The following CUEDC2 variants were observed in gnomAD, a reference collection of about 807,000 sequenced individuals.
CUEDC2 encodes CUE domain-containing protein 2.
Under a neutral mutation model 36.0 loss-of-function variants are expected in CUEDC2, and 10 were observed. That is an observed-to-expected ratio of 0.28 (90% CI 0.17 to 0.47). The LOEUF is 0.47. Ranked by LOEUF, CUEDC2 falls within the 20% of genes least tolerant of loss-of-function variation. The pLI, the probability that CUEDC2 is intolerant of heterozygous loss-of-function variation, is 0.99. For missense variants in CUEDC2, 269 were observed against 368.1 expected, an observed-to-expected ratio of 0.73 and a Z score of 2.20; for synonymous variants, 133 against 141.8, an observed-to-expected ratio of 0.94 and a Z score of 0.44.
Position 102,424,898 on chromosome 10 carries a change from G to C in CUEDC2, c.75-106C>G. The C allele has an allele frequency of 7.9e-7, 1 of 1,261,132 alleles. No homozygotes were observed. The highest frequency in any genetic ancestry group is 1.1e-6 in the Non-Finnish European group (1 of 904,190). The allele number at this position is 1,261,132 out of a possible 1,614,324, so 78.1% of individuals were successfully genotyped here. ...TCAGCTTCATGGGGTCTATGAGCTA[G>C]ACCTTTATCTTTAAGGCCAGAGAGT... On this transcript the variant is annotated intron_variant, in intron 2 of 8. Coordinates refer to ENST00000369937, the MANE Select transcript of CUEDC2 (RefSeq NM_024040.3). This position sits in a 1 kb window ranked among gnomAD's most constrained non-coding sequence, Gnocchi z 4.2.
chr10:102,423,671 T>C lies in CUEDC2; in HGVS notation c.703A>G (p.Met235Val), dbSNP rs759545898. The change falls in exon 8 of 9, where the codon ATG becomes GTG. Residue 235 changes from methionine (M) to valine (V), a missense_variant. By Grantham distance (21) the Met-to-Val change is conservative. Coordinates refer to ENST00000369937, the MANE Select transcript of CUEDC2 (RefSeq NM_024040.3). This position sits in a 1 kb window ranked among gnomAD's most constrained non-coding sequence, Gnocchi z 5.6. ...AACTCTCTCACCTCCTTGGGAGCCA[T>C]GGGCCGGTGAATCTTCTGATCCTCT... ...SAEDQKIHRP[M>V]APKEAPKKLI... 3.7e-6 allele frequency: 6 copies of C among 1,614,176 alleles called. No homozygotes were observed. The Admixed American group carries it at 8.3e-5, about 22-fold the overall frequency.
chr10:102,423,753 C>G lies in CUEDC2; in HGVS notation c.657-36G>C. ...CTGGCTGGGTGAAGCTCCTGTCACCCTGGGAAGACCCTCTAGGGCCCAGCC... is the reference window on the plus strand; with the variant it reads ...CTGGCTGGGTGAAGCTCCTGTCACCGTGGGAAGACCCTCTAGGGCCCAGCC... On this transcript the variant is annotated intron_variant, in intron 7 of 8. Coordinates refer to ENST00000369937, the MANE Select transcript of CUEDC2 (RefSeq NM_024040.3). The surrounding 1 kb of genome is among the most constrained non-coding windows in gnomAD (Gnocchi z 5.6). 6.2e-7 allele frequency: 1 copy of G among 1,614,056 alleles called. No individual in the cohort carries two copies. The highest frequency in any genetic ancestry group is 1.1e-5 in the South Asian group (1 of 91,086).
Position 102,423,986 on chromosome 10 carries a change from GAA to G in CUEDC2, c.594+8_594+9del, listed in dbSNP as rs773283728. 6.2e-7 allele frequency: 1 copy of G among 1,613,148 alleles called. No individual in the cohort carries two copies. The highest frequency in any genetic ancestry group is 1.3e-5 in the African/African-American group (1 of 75,042). On this transcript the variant is annotated splice_region_variant and intron_variant, in intron 6 of 8. Transcript: ENST00000369937. The surrounding 1 kb of genome is among the most constrained non-coding windows in gnomAD (Gnocchi z 5.6). The stretch of plus-strand genomic sequence containing the variant: ...GAGGCTACATGGTAGAGGGTGCTGG[GAA>G]AAGATACCTGGTTGGGGCCCTCCCA...
rs1204903350 is a variant in CUEDC2, at chr10:102,424,331, T to C, written c.344A>G (p.Gln115Arg). The part of the protein sequence containing the change: ...GQVPISPEPL[Q>R]RPEMLKEETR... ...CTCTTCTTTGAGCATTTCGGGCCGC[T>C]GCAGGGGCTCTGGGGAGATGGGCAC... Residue 115 changes from glutamine (Q) to arginine (R), a missense_variant, in exon 5 of 9, where the codon CAG becomes CGG. Coordinates refer to ENST00000369937, the MANE Select transcript of CUEDC2 (RefSeq NM_024040.3). This position sits in a 1 kb window ranked among gnomAD's most constrained non-coding sequence, Gnocchi z 4.2. 1 of 1,614,048 alleles carries C rather than the reference T, an allele frequency of 6.2e-7. No individual in the cohort carries two copies. The highest frequency in any genetic ancestry group is 1.3e-5 in the African/African-American group (1 of 74,918).
intron 1 of CUEDC2, among the ~76,000 whole-genome samples, chr10:102,430,047 A>G (rs7074566): frequency 0.99 from 148,527 of 150,748 alleles, 73,198 homozygotes; most frequent in East Asian, 1. Context: ...TGATCTGCCC[A>G]CCTTGGCCTC....
At chr10:102,429,850 G>A (rs1483894560) in intron 1 of CUEDC2, among the ~76,000 whole-genome samples, 2 of 145,716 alleles carry the variant, frequency 1.4e-5, no homozygotes, top group African/African-American at 2.6e-5. Context: ...ACGGAGTTTC[G>A]CTCTTGTTGC....
chr10:102,429,033 A>AG, intron 1 of CUEDC2, among the ~76,000 whole-genome samples: 1 of 152,026 alleles, frequency 6.6e-6, no homozygotes, highest in Middle Eastern at 3.4e-3. Flanking sequence ...AAAAAAAAAA[A>AG]AAAAGAAAAG....
At chr10:102,432,103 A>T (rs1251359230) in intron 1 of CUEDC2, among the ~76,000 whole-genome samples, 1 of 152,160 alleles carries the variant, frequency 6.6e-6, no homozygotes, top group South Asian at 2.1e-4. Flanking sequence ...CCCAGAGGAT[A>T]TCATTGTCCT....
At chr10:102,428,359 G>A (rs2061605378) in intron 1 of CUEDC2, among the ~76,000 whole-genome samples, 1 of 152,174 alleles carries the variant, frequency 6.6e-6, no homozygotes, top group Admixed American at 6.5e-5. Context: ...GGACCTATGG[G>A]TCTGGAGCCA....
chr10:102,428,663 C>T (rs925703517), intron 1 of CUEDC2, among the ~76,000 whole-genome samples: 1 of 152,018 alleles, frequency 6.6e-6, no homozygotes, highest in South Asian at 2.1e-4. Context: ...GCAAGAGGAT[C>T]GTTTGAGCTC....
chr10:102,430,945 G>A (rs1416457496), intron 1 of CUEDC2, among the ~76,000 whole-genome samples: 1 of 152,136 alleles, frequency 6.6e-6, no homozygotes, highest in Non-Finnish European at 1.5e-5. Context: ...ATTGGTTGAT[G>A]GTGTCTACCA....
At chr10:102,429,429 A>G (rs971471340) in intron 1 of CUEDC2, among the ~76,000 whole-genome samples, 4 of 151,696 alleles carry the variant, frequency 2.6e-5, no homozygotes, top group African/African-American at 9.7e-5. Context: ...TTCAGCATCT[A>G]TTCTAGGGGC....
At chr10:102,430,134 T>TTC (rs1173383344) in intron 1 of CUEDC2, among the ~76,000 whole-genome samples, 1 of 125,628 alleles carries the variant, frequency 8.0e-6, no homozygotes, top group Non-Finnish European at 1.7e-5. Flanking sequence ...AGGTTTTCTT[T>TTC]TTTTTTTTTT....
At position 102,424,439 on chromosome 10, in the gene CUEDC2, AGCAG is replaced by A; in HGVS notation, c.281-49_281-46del. On this transcript the variant is annotated intron_variant, in intron 4 of 8. Coordinates refer to ENST00000369937, the MANE Select transcript of CUEDC2 (RefSeq NM_024040.3). This position sits in a 1 kb window ranked among gnomAD's most constrained non-coding sequence, Gnocchi z 4.2. ...CATCAGGTTTGCCAAGGCTCTGGGG[AGCAG>A]GCAGTTGGGGGAGCGGGATTATGAA... The A allele has an allele frequency of 6.2e-7, 1 of 1,614,048 alleles. No individual in the cohort carries two copies. The highest frequency in any genetic ancestry group is 8.5e-7 in the Non-Finnish European group (1 of 1,179,972).
intron 1 of CUEDC2, among the ~76,000 whole-genome samples, chr10:102,431,809 A>G (rs1020166110): frequency 2.0e-5 from 3 of 152,112 alleles, no homozygotes; most frequent in Non-Finnish European, 2.9e-5. Flanking sequence ...GAGCTTCCCA[A>G]GGGCAGCACA....
chr10:102,423,514 C>T lies in CUEDC2; in HGVS notation c.776G>A (p.Arg259Gln). The change falls in exon 9 of 9, where the codon CGA becomes CAA. Residue 259 changes from arginine (R) to glutamine (Q), a missense_variant. Physicochemically the swap from Arg to Gln is conservative, Grantham distance 43. Transcript: ENST00000369937. This position sits in a 1 kb window ranked among gnomAD's most constrained non-coding sequence, Gnocchi z 5.6. ...DNQVVSTKGE[R>Q]FKDVRNPEAE... Reference sequence around the variant, plus strand: ...CTCAGGGTTCCGCACATCTTTGAATCGCTCCCCTTTGGTGCTCACTACCTG... The same window carrying T: ...CTCAGGGTTCCGCACATCTTTGAATTGCTCCCCTTTGGTGCTCACTACCTG... 4 of 1,614,188 alleles carry T rather than the reference C, an allele frequency of 2.5e-6. No individual in the cohort carries two copies.
chr10:102,424,183 G>C lies in CUEDC2; in HGVS notation c.412-5C>G. On this transcript the variant is annotated splice_polypyrimidine_tract_variant and splice_region_variant and intron_variant, in intron 5 of 8. Transcript: ENST00000369937. This position sits in a 1 kb window ranked among gnomAD's most constrained non-coding sequence, Gnocchi z 4.2. ...CTCCTCCTCAGCGCCAGTTGCCTAA[G>C]GGTACAAACGTTAACAAGAGGCAAT... 1.2e-6 allele frequency: 2 copies of C among 1,613,088 alleles called. No individual in the cohort carries two copies. The highest frequency in any genetic ancestry group is 1.7e-6 in the Non-Finnish European group (2 of 1,179,342).
intron 1 of CUEDC2, among the ~76,000 whole-genome samples, chr10:102,426,911 C>T (rs769095171): frequency 1.3e-5 from 2 of 152,084 alleles, no homozygotes; most frequent in Non-Finnish European, 2.9e-5. Context: ...AGTTCGCCCA[C>T]CTCAGCCTCC....
chr10:102,431,195 A>G (rs958143632), intron 1 of CUEDC2, among the ~76,000 whole-genome samples: 1 of 152,182 alleles, frequency 6.6e-6, no homozygotes, highest in African/African-American at 2.4e-5. Flanking sequence ...GCTGGAGTGC[A>G]GTGGTGCGAT....
Sources: gnomAD v4.1 joint callset for allele counts (sites outside exome capture counted in the v4.1 genomes callset) on GRCh38, gnomAD v4.1.1 for gene constraint, Gnocchi (gnomAD v3.1) non-coding constraint, MANE v1.5 for transcripts, NCBI Gene and HGNC (gene_info 2026-07-23, HGNC 2026-07-21) for gene names.